CSMD3: variants seen among roughly 807,000 people sequenced by gnomAD.
CSMD3 encodes CUB and sushi domain-containing protein 3.
A neutral mutation model predicts 435.2 loss-of-function variants in CSMD3; 177 were observed. That is an observed-to-expected ratio of 0.41 (90% CI 0.36 to 0.46). The LOEUF is 0.46. Ranked by LOEUF, CSMD3 falls within the 20% of genes least tolerant of loss-of-function variation. The pLI is 0.34. For missense variants in CSMD3, 4,265 were observed against 4,504.6 expected (o/e 0.95, Z 1.52); for synonymous variants, 1,656 against 1,520.5 (o/e 1.09, Z -2.07).
chr8:113,322,734 C>T (rs140537626), intron 1 of CSMD3, among the ~76,000 whole-genome samples: 341 of 151,964 alleles, frequency 2.2e-3, no homozygotes, highest in African/African-American at 7.9e-3. Flanking sequence ...ATTATGAAAA[C>T]CTTCATTTAT....
chr8:112,318,865 C>A lies in CSMD3; in HGVS notation c.7332G>T (p.Gln2444His), dbSNP rs1215589843. 1 of 1,612,296 alleles carries A rather than the reference C, an allele frequency of 6.2e-7. No homozygotes were observed. Among genetic ancestry groups the A allele is most frequent in the South Asian group, 1.1e-5 (1 of 91,056 alleles). ...ILTCRLGERL[Q>H]MDGAPPVCQV... is the part of the protein sequence containing the mutation. ...GACAAACTGGAGGTGCTCCATCCAT[C>A]TGCAGTCGTTCTCCTAATCTGCACG... The change falls in exon 47 of 71, where the codon CAG becomes CAT. Residue 2444 changes from glutamine (Q) to histidine (H), a missense_variant. By Grantham distance (24) the Gln-to-His change is conservative. This residue lies in a region of CSMD3 where 3,255 missense variants were observed against 3,380.2 expected (regional missense o/e 0.96). Transcript: ENST00000297405.
chr8:112,718,497 A>G (rs967536003), intron 13 of CSMD3, among the ~76,000 whole-genome samples: 4 of 149,176 alleles, frequency 2.7e-5, no homozygotes, highest in African/African-American at 1.0e-4. Flanking sequence ...TCTAATGCCT[A>G]TGTGTGTGTA....
At chr8:112,356,371 C>G (rs1356158114) in intron 38 of CSMD3, among the ~76,000 whole-genome samples, 2 of 152,074 alleles carry the variant, frequency 1.3e-5, no homozygotes, top group African/African-American at 2.4e-5. Context: ...GTGGATACAG[C>G]TGGAGGCCAT....
chr8:112,803,039 TTTG>T (rs879502621), intron 12 of CSMD3, among the ~76,000 whole-genome samples: 11 of 152,088 alleles, frequency 7.2e-5, no homozygotes, highest in Admixed American at 6.6e-5. Context: ...CCTTTCAGAA[TTTG>T]TTATGATTCT....
intron 27 of CSMD3, among the ~76,000 whole-genome samples, chr8:112,545,868 A>C (rs970355643): frequency 6.6e-6 from 1 of 152,192 alleles, no homozygotes; most frequent in Non-Finnish European, 1.5e-5. Flanking sequence ...ATACAGGATA[A>C]ATGTCAACAC....
chr8:112,304,440 A>C (rs895216465), intron 52 of CSMD3, among the ~76,000 whole-genome samples: 2 of 151,938 alleles, frequency 1.3e-5, no homozygotes, highest in African/African-American at 4.8e-5. Context: ...AGTGTCTGTC[A>C]AGTAGTAAGT....
chr8:112,790,593 G>A (rs1263583439), intron 13 of CSMD3, among the ~76,000 whole-genome samples: 1 of 151,940 alleles, frequency 6.6e-6, no homozygotes, highest in African/African-American at 2.4e-5. Flanking sequence ...TTTGGTGCTT[G>A]GATATAAATT....
At chr8:112,883,600 A>G (rs2081508144) in intron 10 of CSMD3, among the ~76,000 whole-genome samples, 1 of 151,938 alleles carries the variant, frequency 6.6e-6, no homozygotes, top group Non-Finnish European at 1.5e-5. Context: ...AAAATTGTAC[A>G]GAGAGTTCCC....
chr8:113,186,545 C>T (rs973510827), intron 3 of CSMD3, among the ~76,000 whole-genome samples: 5 of 152,010 alleles, frequency 3.3e-5, no homozygotes, highest in East Asian at 3.9e-4. Context: ...CCAGCAGCTC[C>T]TCACACAGTT....
At chr8:112,590,501 A>G (rs1305726752) in intron 22 of CSMD3, among the ~76,000 whole-genome samples, 1 of 152,130 alleles carries the variant, frequency 6.6e-6, no homozygotes, top group Non-Finnish European at 1.5e-5. Flanking sequence ...ACCTGATATG[A>G]AAAAGCTTTC....
At chr8:113,266,451 G>C (rs2093472202) in intron 3 of CSMD3, among the ~76,000 whole-genome samples, 1 of 151,172 alleles carries the variant, frequency 6.6e-6, no homozygotes, top group Non-Finnish European at 1.5e-5. Context: ...TTAAATCTAA[G>C]TGGAATCACA....
intron 27 of CSMD3, among the ~76,000 whole-genome samples, chr8:112,541,641 A>G (rs1162322514): frequency 6.6e-6 from 1 of 151,950 alleles, no homozygotes; most frequent in Non-Finnish European, 1.5e-5. Flanking sequence ...GCCCATGACC[A>G]GATGACTTCA....
rs539450836 is a variant in CSMD3, at chr8:112,997,869, T to C, written c.1030+21198A>G. On this transcript the variant is annotated intron_variant, in intron 6 of 70. Coordinates refer to ENST00000297405, the MANE Select transcript of CSMD3 (RefSeq NM_198123.2). ...ATGTACATGTATATGTGTGTATATA[T>C]ATATATATATACATATATATATAGT... is the stretch of plus-strand genomic sequence containing the variant. Among the ~76,000 whole-genome samples, 6 of 147,416 alleles carry C rather than the reference T, an allele frequency of 4.1e-5. No individual in the cohort carries two copies. The East Asian group carries it at 1.2e-3, about 29-fold the overall frequency.
At chr8:112,912,018 C>G (rs1044796739) in intron 10 of CSMD3, among the ~76,000 whole-genome samples, 2 of 148,788 alleles carry the variant, frequency 1.3e-5, no homozygotes, top group African/African-American at 4.9e-5. Flanking sequence ...TACTGATAAT[C>G]TAATATGCAA....
At chr8:113,159,749 A>T (rs1049236641) in intron 4 of CSMD3, among the ~76,000 whole-genome samples, 1 of 152,040 alleles carries the variant, frequency 6.6e-6, no homozygotes, top group African/African-American at 2.4e-5. Flanking sequence ...CCTGAATTTA[A>T]TTAAGAAAAA....
intron 59 of CSMD3, among the ~76,000 whole-genome samples, chr8:112,278,948 A>T (rs751307967): frequency 1.7e-4 from 26 of 152,148 alleles, no homozygotes; most frequent in South Asian, 8.3e-4. Context: ...GATACATATA[A>T]ATAAGGACAG....
chr8:112,691,786 T>TTTTG (rs1225526777), intron 13 of CSMD3, among the ~76,000 whole-genome samples: 1 of 151,990 alleles, frequency 6.6e-6, no homozygotes, highest in East Asian at 1.9e-4. Context: ...TAAATTGTTT[T>TTTTG]TTTGTTTGTT....
At chr8:112,695,971 A>G (rs2076245137) in intron 13 of CSMD3, among the ~76,000 whole-genome samples, 1 of 152,306 alleles carries the variant, frequency 6.6e-6, no homozygotes, top group African/African-American at 2.4e-5. Flanking sequence ...GTGAACTCCC[A>G]TTCACAATTG....
At chr8:112,613,842 G>A (rs982051993) in intron 22 of CSMD3, among the ~76,000 whole-genome samples, 1 of 152,108 alleles carries the variant, frequency 6.6e-6, no homozygotes, top group Non-Finnish European at 1.5e-5. Context: ...AACAGATTAG[G>A]CCAGGCATGG....
Sources: gnomAD v4.1 joint callset for allele counts (sites outside exome capture counted in the v4.1 genomes callset) on GRCh38, gnomAD v4.1.1 for gene constraint, gnomAD v4.1.1 regional missense constraint, MANE v1.5 for transcripts, NCBI Gene and HGNC (gene_info 2026-07-23, HGNC 2026-07-21) for gene names.